The following GRID2 variants were observed in gnomAD, a reference collection of about 807,000 sequenced individuals.
GRID2 encodes glutamate receptor ionotropic, delta-2.
In GRID2, 33 loss-of-function variants were observed where a neutral mutation model predicts 114.8. The observed-to-expected ratio is 0.29, with a 90% confidence interval of 0.22 to 0.38. The LOEUF (loss-of-function observed/expected upper bound fraction) is 0.38, where lower values mean the gene tolerates loss of function less well. GRID2 is among the 10% of genes least tolerant of loss of function. GRID2 has a pLI of 1.00. For missense variants in GRID2, 1,184 were observed against 1,257.7 expected (o/e 0.94, Z 0.89); for synonymous variants, 505 against 449.9 (o/e 1.12, Z -1.55).
intron 10 of GRID2, among the ~76,000 whole-genome samples, chr4:93,440,120 AG>A (rs1303612903): frequency 6.6e-6 from 1 of 152,078 alleles, no homozygotes; most frequent in East Asian, 1.9e-4. Context: ...TGAATGAAGA[AG>A]GGTTCTCAGC....
At chr4:93,323,602 A>ATTGGGATGGCATT (rs1177363611) in intron 8 of GRID2, among the ~76,000 whole-genome samples, 1 of 152,140 alleles carries the variant, frequency 6.6e-6, no homozygotes, top group East Asian at 1.9e-4. Context: ...TGGTAGCTTG[A>ATTGGGATGGCATT]TTGGGATGGC....
chr4:93,644,609 G>A (rs577936287), intron 14 of GRID2, among the ~76,000 whole-genome samples: 1 of 151,896 alleles, frequency 6.6e-6, no homozygotes, highest in Non-Finnish European at 1.5e-5. Flanking sequence ...TTATATTCTT[G>A]GTGCTAATCA....
Position 93,347,959 on chromosome 4 carries a change from C to T in GRID2, c.1246-47648C>T, listed in dbSNP as rs1277316584. Among the ~76,000 whole-genome samples, 7 of 152,120 alleles carry T rather than the reference C, an allele frequency of 4.6e-5. No individual in the cohort carries two copies. The South Asian group carries it at 1.0e-3, about 23-fold the overall frequency. On this transcript the variant is annotated intron_variant, in intron 8 of 15. Coordinates refer to ENST00000282020, the MANE Select transcript of GRID2 (RefSeq NM_001510.4). ...GTGTCTCTAAAATATGGGTCAGTGACGTTTTTGGGGAGCAAAGTTCTTGGA... is the reference window on the plus strand; with the variant it reads ...GTGTCTCTAAAATATGGGTCAGTGATGTTTTTGGGGAGCAAAGTTCTTGGA...
intron 1 of GRID2, among the ~76,000 whole-genome samples, chr4:92,441,972 A>G (rs1230950806): frequency 4.6e-5 from 7 of 151,816 alleles, no homozygotes; most frequent in African/African-American, 1.7e-4. Flanking sequence ...GATAACTAAA[A>G]AGGAGTGCTT....
intron 1 of GRID2, among the ~76,000 whole-genome samples, chr4:93,786,410 T>C (rs1007138433): frequency 6.6e-6 from 1 of 152,218 alleles, no homozygotes; most frequent in East Asian, 1.9e-4. Flanking sequence ...CACATTTAAA[T>C]GCAAATATGA....
intron 1 of GRID2, among the ~76,000 whole-genome samples, chr4:92,426,525 C>A (rs968644044): frequency 1.1e-4 from 17 of 152,008 alleles, no homozygotes; most frequent in Admixed American, 6.6e-4. Context: ...CATAGTGCAA[C>A]CTTCAGATAC....
intron 2 of GRID2, among the ~76,000 whole-genome samples, chr4:92,914,506 T>C (rs1748633757): frequency 6.6e-6 from 1 of 152,142 alleles, no homozygotes; most frequent in South Asian, 2.1e-4. Flanking sequence ...GTACAGATTA[T>C]TTCATCACCC....
intron 8 of GRID2, among the ~76,000 whole-genome samples, chr4:93,393,911 C>T (rs888853318): frequency 2.0e-5 from 3 of 152,006 alleles, no homozygotes; most frequent in South Asian, 2.1e-4. Context: ...GACATACTTA[C>T]CACGAACAAG....
chr4:92,726,102 T>C (rs1449365781), intron 2 of GRID2, among the ~76,000 whole-genome samples: 1 of 152,174 alleles, frequency 6.6e-6, no homozygotes, highest in Non-Finnish European at 1.5e-5. Flanking sequence ...TCTACTCATC[T>C]TGTATTTTAC....
At chr4:92,971,086 T>C (rs989435297) in intron 2 of GRID2, among the ~76,000 whole-genome samples, 1 of 152,000 alleles carries the variant, frequency 6.6e-6, no homozygotes, top group Non-Finnish European at 1.5e-5. Flanking sequence ...TATTCTCGCT[T>C]TGGCCCCTCA....
intron 2 of GRID2, among the ~76,000 whole-genome samples, chr4:92,600,059 T>C (rs1465659453): frequency 8.2e-6 from 1 of 122,008 alleles, no homozygotes. Context: ...TATATATATA[T>C]ATATATATAT....
intron 4 of GRID2, among the ~76,000 whole-genome samples, chr4:93,190,704 G>C (rs1380933432): frequency 6.6e-6 from 1 of 151,974 alleles, no homozygotes; most frequent in Admixed American, 6.6e-5. Flanking sequence ...TTAGCAATAT[G>C]ACCTACGCTA....
intron 13 of GRID2, among the ~76,000 whole-genome samples, chr4:93,607,757 T>A (rs555255389): frequency 6.6e-6 from 1 of 152,156 alleles, no homozygotes; most frequent in South Asian, 2.1e-4. Context: ...TTTTATTTTG[T>A]ACTCACCACT....
At chr4:93,422,628 T>A in intron 9 of GRID2, 143 bp from the exon 10 acceptor site, 1 of 595,884 alleles carries the variant, frequency 1.7e-6, no homozygotes, top group South Asian at 2.2e-5. Context: ...GATGCGTTAA[T>A]AATGCATAAG....
intron 14 of GRID2, among the ~76,000 whole-genome samples, chr4:93,699,714 T>C (rs1437300983): frequency 6.6e-6 from 1 of 152,052 alleles, no homozygotes; most frequent in East Asian, 1.9e-4. Context: ...AGTCCTGAAA[T>C]AGGAAAAGTT....
chr4:92,526,725 C>A (rs1008314110), intron 1 of GRID2, among the ~76,000 whole-genome samples: 5 of 138,266 alleles, frequency 3.6e-5, no homozygotes, highest in Non-Finnish European at 6.6e-5. Context: ...TCTAATTGGC[C>A]ACATGCACAC....
chr4:93,609,120 G>C (rs1242735448), intron 13 of GRID2, among the ~76,000 whole-genome samples: 1 of 109,256 alleles, frequency 9.2e-6, no homozygotes, highest in African/African-American at 3.5e-5. Context: ...CTTTTGAGAA[G>C]TGTCTGTTCA....
In GRID2 at chr4:92,934,303, T is replaced by C. The variant is rs977397505; in HGVS notation, c.245-150692T>C. On this transcript the variant is annotated intron_variant, in intron 2 of 15. Transcript: ENST00000282020. Reference sequence around the variant, plus strand: ...TTATTCTCTTTGAAGCAATTGGGAATGGGAGTTCACTCATGGTTTGGCTCT... The same window carrying C: ...TTATTCTCTTTGAAGCAATTGGGAACGGGAGTTCACTCATGGTTTGGCTCT... Among the ~76,000 whole-genome samples, 5 of 151,840 alleles carry C rather than the reference T, an allele frequency of 3.3e-5. No homozygotes were observed. The East Asian group carries it at 9.7e-4, about 29-fold the overall frequency.
intron 13 of GRID2, among the ~76,000 whole-genome samples, chr4:93,568,329 G>A (rs1346743572): frequency 6.6e-6 from 1 of 152,202 alleles, no homozygotes; most frequent in Non-Finnish European, 1.5e-5. Flanking sequence ...GGAGTTCCAT[G>A]GTTCTCAAAG....
Sources: allele counts gnomAD v4.1 joint callset (sites outside exome capture counted in the v4.1 genomes callset), GRCh38; gene constraint gnomAD v4.1.1; transcripts MANE v1.5; gene names NCBI Gene and HGNC (gene_info 2026-07-23, HGNC 2026-07-21).